Variants in STK33 observed in about 807,000 individuals in gnomAD.
The protein encoded by STK33 is serine/threonine kinase 33.
A neutral mutation model predicts 58.0 loss-of-function variants in STK33; 52 were observed. That is an observed-to-expected ratio of 0.90 (90% CI 0.72 to 1.13). The LOEUF is 1.13. Ranked by LOEUF, STK33 falls within the 50% of genes most tolerant of loss-of-function variation. The probability of loss-of-function intolerance (pLI) is 0.00; values close to 1 mark genes in which losing one functional copy is unlikely to be tolerated. For missense variants in STK33, 630 were observed against 604.2 expected (o/e 1.04, Z -0.45); for synonymous variants, 215 against 200.1 (o/e 1.07, Z -0.63).
At chr11:8,423,591 T>C (rs531237325) in intron 14 of STK33, among the ~76,000 whole-genome samples, 11 of 152,224 alleles carry the variant, frequency 7.2e-5, no homozygotes, top group African/African-American at 1.7e-4. Flanking sequence ...GAGAACATGA[T>C]CTGTGTTAAC....
At chr11:8,432,783 G>C (rs183732666) in intron 14 of STK33, among the ~76,000 whole-genome samples, 1 of 152,270 alleles carries the variant, frequency 6.6e-6, no homozygotes, top group East Asian at 1.9e-4. Flanking sequence ...GTTAAGAAGA[G>C]TTTTGCCTTT....
At chr11:8,397,404 G>C (rs1057268078) in intron 15 of STK33, among the ~76,000 whole-genome samples, 1 of 152,194 alleles carries the variant, frequency 6.6e-6, no homozygotes, top group African/African-American at 2.4e-5. Flanking sequence ...TGAGGGTCCT[G>C]ACTGTTAGAA....
chr11:8,513,310 T>C (rs888417389), intron 1 of STK33, among the ~76,000 whole-genome samples: 3 of 152,186 alleles, frequency 2.0e-5, no homozygotes, highest in Admixed American at 6.6e-5. Context: ...TTCCACCTAA[T>C]AGAATCCCTT....
At chr11:8,540,982 CTCTCTCTCTCTCTATA>C (rs1201802147) in intron 1 of STK33, among the ~76,000 whole-genome samples, 10 of 136,810 alleles carry the variant, frequency 7.3e-5, no homozygotes, top group Admixed American at 5.7e-4. Flanking sequence ...CTCTCTCTCT[CTCTCTCTCTCTCTATA>C]TATATATATA....
Position 8,474,778 on chromosome 11 carries a change from G to A in STK33, c.128C>T (p.Ser43Leu). 1 of 1,613,298 alleles carries A rather than the reference G, an allele frequency of 6.2e-7. No homozygotes were observed. Among genetic ancestry groups the A allele is most frequent in the Non-Finnish European group, 8.5e-7 (1 of 1,179,714 alleles). The part of the protein sequence containing the change: ...RVPPVLVVEM[S>L]QTSSIGSAES... ...TGCACTACCAATGCTTGATGTCTGT[G>A]ACATTTCCACCACCAAAACTGGAGG... Residue 43 changes from serine to leucine, a missense_variant, in exon 5 of 16, where the codon TCA becomes TTA. Transcript: ENST00000687296.
chr11:8,516,482 T>A (rs1158217863), intron 1 of STK33, among the ~76,000 whole-genome samples: 1 of 152,182 alleles, frequency 6.6e-6, no homozygotes, highest in Non-Finnish European at 1.5e-5. Flanking sequence ...ACTGGGTTCA[T>A]CTCACTGGGG....
At chr11:8,451,585 TGGCTACC>T (rs1666591125) in intron 11 of STK33, among the ~76,000 whole-genome samples, 1 of 152,158 alleles carries the variant, frequency 6.6e-6, no homozygotes, top group African/African-American at 2.4e-5. Flanking sequence ...GAGAGATTAG[TGGCTACC>T]TGGGACTGGG....
At chr11:8,350,742 C>G in the STK33 span, among the ~76,000 whole-genome samples, 1 of 152,116 alleles carries the variant, frequency 6.6e-6, no homozygotes, top group Admixed American at 6.5e-5. Flanking sequence ...AGCTAAGTGG[C>G]AGGTGTGGGC....
At chr11:8,458,349 C>T (rs745964755) in intron 8 of STK33, among the ~76,000 whole-genome samples, 7 of 150,986 alleles carry the variant, frequency 4.6e-5, no homozygotes, top group Non-Finnish European at 7.4e-5. Context: ...AGAATTTTTA[C>T]ATGACATGAA....
At chr11:8,446,082 C>T (rs1481240777) in intron 11 of STK33, among the ~76,000 whole-genome samples, 1 of 152,012 alleles carries the variant, frequency 6.6e-6, no homozygotes, top group African/African-American at 2.4e-5. Context: ...GTCAGGGATT[C>T]GACTTCTTCC....
In STK33 at chr11:8,481,741, C is replaced by T. The variant is rs367939848; in HGVS notation, c.-465-1127G>A. ...CTTCCTATCAGACAAGATGCTATAA[C>T]TGCACCCCCATCTTATGTTCTAGAC... On this transcript the variant is annotated intron_variant, in intron 1 of 15. Transcript: ENST00000687296. 5.3e-5 allele frequency among the ~76,000 whole-genome samples: 8 copies of T among 152,298 alleles called. No individual in the cohort carries two copies. The East Asian group carries it at 9.6e-4, about 18-fold the overall frequency.
intron 1 of STK33, among the ~76,000 whole-genome samples, chr11:8,589,739 A>T (rs760119239): frequency 1.3e-4 from 20 of 152,206 alleles, no homozygotes; most frequent in Non-Finnish European, 2.8e-4. Flanking sequence ...TATGACAGAA[A>T]AGCAATAAAG....
chr11:8,467,303 T>C (rs1430822358), intron 6 of STK33: 1 of 152,904 alleles, frequency 6.5e-6, no homozygotes, highest in African/African-American at 2.4e-5. Context: ...TGAATGCCTT[T>C]AACAGCACCC....
intron 14 of STK33, among the ~76,000 whole-genome samples, chr11:8,418,323 A>C (rs1941419586): frequency 6.6e-6 from 1 of 152,086 alleles, no homozygotes; most frequent in Non-Finnish European, 1.5e-5. Flanking sequence ...CTCCCCTTCT[A>C]AGTGAGAACA....
intron 15 of STK33, among the ~76,000 whole-genome samples, chr11:8,410,367 GC>G (rs1333739013): frequency 1.3e-5 from 2 of 151,684 alleles, no homozygotes; most frequent in Non-Finnish European, 2.9e-5. Context: ...TAAAGCAACT[GC>G]TACATGTACT....
intron 1 of STK33, among the ~76,000 whole-genome samples, chr11:8,498,050 G>C (rs1440761642): frequency 6.6e-6 from 1 of 151,938 alleles, no homozygotes. Flanking sequence ...TACAAGGTAG[G>C]TTCAACAAAT....
chr11:8,539,161 C>A (rs1314144628), intron 1 of STK33, among the ~76,000 whole-genome samples: 1 of 151,748 alleles, frequency 6.6e-6, no homozygotes, highest in African/African-American at 2.4e-5. Context: ...GAAAAAAAAA[C>A]AATAATGACT....
chr11:8,374,398 G>T, the STK33 span, among the ~76,000 whole-genome samples: 2 of 152,208 alleles, frequency 1.3e-5, no homozygotes, highest in South Asian at 2.1e-4. Context: ...TCAAATGAGA[G>T]AACTTTATTT....
At chr11:8,540,511 CAG>C (rs1955423238) in intron 1 of STK33, among the ~76,000 whole-genome samples, 1 of 151,862 alleles carries the variant, frequency 6.6e-6, no homozygotes, top group Non-Finnish European at 1.5e-5. Context: ...TAAAAAGAAA[CAG>C]TGGTGTGTAT....
Sources: allele counts gnomAD v4.1 joint callset (sites outside exome capture counted in the v4.1 genomes callset), GRCh38; gene constraint gnomAD v4.1.1; transcripts MANE v1.5; gene names NCBI Gene and HGNC (gene_info 2026-07-23, HGNC 2026-07-21).